Variants in CACNA2D3 observed in about 807,000 individuals in gnomAD.
The protein encoded by CACNA2D3 is calcium voltage-gated channel auxiliary subunit alpha2delta 3.
In CACNA2D3, 60 loss-of-function variants were observed where a neutral mutation model predicts 160.6. That is an observed-to-expected ratio of 0.37 (90% confidence interval 0.30 to 0.46). CACNA2D3 has a LOEUF of 0.46. CACNA2D3 is among the 20% of genes least tolerant of loss of function. The pLI, the probability that CACNA2D3 is intolerant of heterozygous loss-of-function variation, is 1.00. For missense variants in CACNA2D3, 1,205 were observed against 1,365.0 expected (o/e 0.88, Z 1.85); for synonymous variants, 558 against 492.9 (o/e 1.13, Z -1.75).
intron 27 of CACNA2D3, among the ~76,000 whole-genome samples, chr3:54,908,623 G>A (rs1032917014): frequency 6.6e-6 from 1 of 152,188 alleles, no homozygotes. Flanking sequence ...AGGCTGAGGT[G>A]GGAGGATAGC....
chr3:54,838,489 T>G, intron 15 of CACNA2D3, 79 bp from the exon 16 acceptor site: 1 of 1,105,604 alleles, frequency 9.0e-7, no homozygotes. Flanking sequence ...AGGCAGACGG[T>G]ATGTGACTTC....
At chr3:54,960,624 A>C (rs1285732605) in intron 27 of CACNA2D3, among the ~76,000 whole-genome samples, 2 of 152,176 alleles carry the variant, frequency 1.3e-5, no homozygotes, top group African/African-American at 4.8e-5. Context: ...CTTGCCTATA[A>C]TCTTCTAAGA....
chr3:54,381,292 G>A lies in CACNA2D3; in HGVS notation c.322-5423G>A, dbSNP rs149329109. On this transcript the variant is annotated intron_variant, in intron 3 of 37. Transcript: ENST00000474759. The stretch of plus-strand genomic sequence containing the variant: ...ATTTTCATCCATAATTGTCCCTACC[G>A]CCCATTTTAGGGATTTTTATTTGAA... Among the ~76,000 whole-genome samples, 322 of 152,086 alleles carry A rather than the reference G, an allele frequency of 2.1e-3. 3 individuals carry two copies. Among genetic ancestry groups the A allele is most frequent in the African/African-American group, 7.0e-3 (292 of 41,492 alleles).
At chr3:54,765,396 A>G (rs748469365) in intron 13 of CACNA2D3, among the ~76,000 whole-genome samples, 9 of 152,228 alleles carry the variant, frequency 5.9e-5, no homozygotes, top group Non-Finnish European at 1.0e-4. Context: ...GTCATCTTGA[A>G]TAAAGATGAA....
chr3:54,703,195 G>A (rs1303289853), intron 11 of CACNA2D3, among the ~76,000 whole-genome samples: 1 of 152,010 alleles, frequency 6.6e-6, no homozygotes. Flanking sequence ...ATTTACTCAT[G>A]TAACAAACTT....
rs144952543 is a variant in CACNA2D3 at position 54,882,202 on chromosome 3, G to A, written c.1912+1339G>A. Among the ~76,000 whole-genome samples, 339 of 152,302 alleles carry A rather than the reference G, an allele frequency of 2.2e-3. 2 individuals carry two copies. The highest frequency in any genetic ancestry group is 0.01 in the South Asian group (49 of 4,816). On this transcript the variant is annotated intron_variant, in intron 21 of 37. Transcript: ENST00000474759. ...CCTCTGTGGGCCATGTTGGCTCTGTGGACATCACTGCCCATGAAGCCAGAA... is the reference window on the plus strand; with the variant it reads ...CCTCTGTGGGCCATGTTGGCTCTGTAGACATCACTGCCCATGAAGCCAGAA...
intron 3 of CACNA2D3, among the ~76,000 whole-genome samples, chr3:54,364,861 C>T (rs1001122400): frequency 6.6e-6 from 1 of 152,168 alleles, no homozygotes; most frequent in African/African-American, 2.4e-5. Flanking sequence ...TCATATTTAG[C>T]TTTTTGAAGC....
chr3:54,598,268 A>G (rs11918947), intron 9 of CACNA2D3, among the ~76,000 whole-genome samples: 12 of 126,288 alleles, frequency 9.5e-5, no homozygotes, highest in African/African-American at 3.6e-4. Flanking sequence ...AGATCATGCC[A>G]CCGCACTCCA....
intron 5 of CACNA2D3, among the ~76,000 whole-genome samples, chr3:54,517,300 T>G (rs948389165): frequency 2.0e-5 from 3 of 152,252 alleles, no homozygotes; most frequent in Non-Finnish European, 4.4e-5. Context: ...AAGGTTTTCT[T>G]GGATCCGCCT....
At chr3:54,605,750 G>T (rs185416921) in intron 9 of CACNA2D3, among the ~76,000 whole-genome samples, 12 of 152,252 alleles carry the variant, frequency 7.9e-5, no homozygotes, top group Admixed American at 7.2e-4. Context: ...GTCCTTCTGG[G>T]GACATTACTG....
At chr3:54,783,265 C>T (rs1341582296) in intron 13 of CACNA2D3, among the ~76,000 whole-genome samples, 3 of 151,968 alleles carry the variant, frequency 2.0e-5, no homozygotes, top group Admixed American at 2.0e-4. Flanking sequence ...GTTATATCAC[C>T]TCTACTGAAT....
At chr3:54,682,618 A>G (rs911548181) in intron 11 of CACNA2D3, among the ~76,000 whole-genome samples, 1 of 152,194 alleles carries the variant, frequency 6.6e-6, no homozygotes, top group Non-Finnish European at 1.5e-5. Context: ...CTCAAAAAAG[A>G]AAAAAGAAAT....
chr3:54,678,720 C>CAAAAAAAAA (rs71096434), intron 11 of CACNA2D3, among the ~76,000 whole-genome samples: 2,305 of 45,916 alleles, frequency 0.05, 655 homozygotes, highest in Non-Finnish European at 0.064. Context: ...GACTCGGTCT[C>CAAAAAAAAA]AAAAAAAAAA....
intron 13 of CACNA2D3, among the ~76,000 whole-genome samples, chr3:54,805,067 T>A (rs181586440): frequency 0.019 from 2,923 of 152,158 alleles, 109 homozygotes; most frequent in African/African-American, 0.067. Context: ...TAGAGGGAAA[T>A]TTATAGCACT....
chr3:54,760,079 C>G (rs144299446), intron 12 of CACNA2D3, among the ~76,000 whole-genome samples: 141 of 152,276 alleles, frequency 9.3e-4, no homozygotes, highest in Middle Eastern at 3.4e-3. Flanking sequence ...TTGCTCCCAA[C>G]AAGGTGGGGA....
chr3:54,809,853 A>G (rs1007761521), intron 13 of CACNA2D3, among the ~76,000 whole-genome samples: 1 of 152,078 alleles, frequency 6.6e-6, no homozygotes, highest in African/African-American at 2.4e-5. Flanking sequence ...GCATAGGTAT[A>G]GTCCCTAGGA....
chr3:54,523,571 T>C (rs945449099), intron 5 of CACNA2D3, among the ~76,000 whole-genome samples: 3 of 152,182 alleles, frequency 2.0e-5, no homozygotes, highest in African/African-American at 7.2e-5. Context: ...TCTCCTTTTT[T>C]ATAATTTTGG....
rs71096434 is a variant in CACNA2D3 at position 54,678,720 on chromosome 3, C to CAAAAAAAAAAAAAAAAAAAAA, written c.1167+36488_1167+36508dup. 1.3e-4 allele frequency among the ~76,000 whole-genome samples: 6 copies of CAAAAAAAAAAAAAAAAAAAAA among 45,902 alleles called. 1 individual carries two copies. Among genetic ancestry groups the CAAAAAAAAAAAAAAAAAAAAA allele is most frequent in the Non-Finnish European group, 1.4e-4 (4 of 28,276 alleles). The allele number at this position is 45,902 out of a possible 152,430, so 30.1% of individuals were successfully genotyped here. The stretch of plus-strand genomic sequence containing the variant: ...TGGGTGACAGAGTGAGACTCGGTCT[C>CAAAAAAAAAAAAAAAAAAAAA]AAAAAAAAAAAAAAAAAAAAAAAAA... On this transcript the variant is annotated intron_variant, in intron 11 of 37. Coordinates refer to ENST00000474759, the MANE Select transcript of CACNA2D3 (RefSeq NM_018398.3).
chr3:54,663,731 G>A (rs776993426), intron 11 of CACNA2D3, among the ~76,000 whole-genome samples: 4 of 152,210 alleles, frequency 2.6e-5, no homozygotes, highest in Non-Finnish European at 5.9e-5. Context: ...CCAGCAGATG[G>A]GGGCTGAGCC....
Sources: allele counts gnomAD v4.1 joint callset (sites outside exome capture counted in the v4.1 genomes callset), GRCh38; gene constraint gnomAD v4.1.1; transcripts MANE v1.5; gene names NCBI Gene and HGNC (gene_info 2026-07-23, HGNC 2026-07-21).